Variants in SLC44A5 observed in about 807,000 individuals in gnomAD.
SLC44A5 encodes solute carrier family 44 member 5.
In SLC44A5, 57 loss-of-function variants were observed where a neutral mutation model predicts 101.8. The observed-to-expected ratio is 0.56, with a 90% CI of 0.45 to 0.70. The LOEUF is 0.70. Among genes scored for constraint, SLC44A5 ranks in the 30% least tolerant of loss-of-function variants. The pLI is 0.00. For synonymous variants in SLC44A5, 281 were observed against 290.9 expected (o/e 0.97, Z 0.35); for missense variants, 737 against 853.1 (o/e 0.86, Z 1.70).
chr1:75,342,504 AC>A (rs1657959561), intron 3 of SLC44A5, among the ~76,000 whole-genome samples: 2 of 151,890 alleles, frequency 1.3e-5, no homozygotes, highest in African/African-American at 4.8e-5. Context: ...CACTCAGCTA[AC>A]AAGAGGCGGA....
At chr1:75,494,457 T>A (rs1451118178) in intron 2 of SLC44A5, among the ~76,000 whole-genome samples, 3 of 152,124 alleles carry the variant, frequency 2.0e-5, no homozygotes, top group East Asian at 3.9e-4. Context: ...AAGTTGAGAA[T>A]CTAGCATCAA....
intron 5 of SLC44A5, among the ~76,000 whole-genome samples, chr1:75,280,026 T>C (rs183295173): frequency 6.7e-6 from 1 of 149,296 alleles, no homozygotes; most frequent in Admixed American, 7.0e-5. Flanking sequence ...CCTGAGTTAC[T>C]TCACTTTGAA....
intron 2 of SLC44A5, among the ~76,000 whole-genome samples, chr1:75,463,512 T>A (rs564778471): frequency 9.9e-5 from 15 of 151,332 alleles, no homozygotes; most frequent in Middle Eastern, 3.4e-3. Flanking sequence ...GGGCAGCAGA[T>A]TTTTCAGTGG....
the SLC44A5 span, among the ~76,000 whole-genome samples, chr1:75,678,780 G>A: frequency 1.3e-5 from 2 of 152,162 alleles, no homozygotes; most frequent in Non-Finnish European, 2.9e-5. Context: ...TTGACGAGCT[G>A]AGAGAAGAAG....
At chr1:75,369,301 A>AGC (rs1332861743) in intron 3 of SLC44A5, among the ~76,000 whole-genome samples, 1 of 152,088 alleles carries the variant, frequency 6.6e-6, no homozygotes, top group East Asian at 1.9e-4. Context: ...TACAGGTGTG[A>AGC]GCCACTGCTC....
intron 2 of SLC44A5, among the ~76,000 whole-genome samples, chr1:75,455,574 A>G (rs917578674): frequency 1.3e-5 from 2 of 152,122 alleles, no homozygotes; most frequent in Non-Finnish European, 2.9e-5. Context: ...CAAGGTAAAC[A>G]GGACAGCCTA....
At chr1:75,558,812 C>A (rs1250811834) in intron 1 of SLC44A5, among the ~76,000 whole-genome samples, 1 of 152,050 alleles carries the variant, frequency 6.6e-6, no homozygotes, top group Non-Finnish European at 1.5e-5. Flanking sequence ...GCAGAGTGAT[C>A]TTGGTCACAC....
chr1:75,615,432 T>TACACACAC (rs776361396), upstream of SLC44A5, among the ~76,000 whole-genome samples: 4,086 of 76,088 alleles, frequency 0.054, 112 homozygotes, highest in Admixed American at 0.11. Context: ...CACACACACA[T>TACACACAC]ACATACACAC....
chr1:75,393,981 A>G (rs947798689), intron 3 of SLC44A5, among the ~76,000 whole-genome samples: 3 of 152,210 alleles, frequency 2.0e-5, no homozygotes, highest in African/African-American at 7.2e-5. Context: ...AATCAGGGCT[A>G]GAGATGTAAA....
At chr1:75,383,847 C>G (rs528306740) in intron 3 of SLC44A5, among the ~76,000 whole-genome samples, 26 of 152,186 alleles carry the variant, frequency 1.7e-4, no homozygotes, top group African/African-American at 6.3e-4. Flanking sequence ...ATCAGACTAA[C>G]AGCAGATCTC....
At chr1:75,611,870 T>C (rs952576479), upstream of SLC44A5, among the ~76,000 whole-genome samples, 1 of 152,004 alleles carries the variant, frequency 6.6e-6, no homozygotes, top group Admixed American at 6.6e-5. Context: ...TTCTGTTATC[T>C]AGGAGCCCCT....
rs554845334 is a variant in SLC44A5 at position 75,342,643 on chromosome 1, G to A, written c.53-3013C>T. ...GTAAGGAGAAGACAGGTTTAAAGGGGTTAACAACTTCTATTGATTTTGTAA... is the reference window on the plus strand; with the variant it reads ...GTAAGGAGAAGACAGGTTTAAAGGGATTAACAACTTCTATTGATTTTGTAA... On this transcript the variant is annotated intron_variant, in intron 3 of 23. Coordinates refer to ENST00000370859, the MANE Select transcript of SLC44A5 (RefSeq NM_001130058.2). Among the ~76,000 whole-genome samples the A allele has an allele frequency of 7.1e-4, 108 of 152,166 alleles. 3 individuals carry two copies. In the South Asian group the frequency reaches 0.022, roughly 30 times the overall value.
intron 2 of SLC44A5, among the ~76,000 whole-genome samples, chr1:75,455,529 CT>C (rs1666137649): frequency 6.6e-6 from 1 of 152,034 alleles, no homozygotes; most frequent in African/African-American, 2.4e-5. Flanking sequence ...ACTAATTAAA[CT>C]AAAGCACTTC....
chr1:75,587,964 T>A (rs1399156377), intron 1 of SLC44A5, among the ~76,000 whole-genome samples: 1 of 152,290 alleles, frequency 6.6e-6, no homozygotes, highest in Non-Finnish European at 1.5e-5. Context: ...ATCAGGCATA[T>A]GGCAGAATAA....
chr1:75,526,561 G>A (rs1413164512), intron 2 of SLC44A5, among the ~76,000 whole-genome samples: 3 of 152,172 alleles, frequency 2.0e-5, no homozygotes, highest in African/African-American at 7.2e-5. Flanking sequence ...ATACATGTCT[G>A]TTGTGCTAAA....
intron 2 of SLC44A5, among the ~76,000 whole-genome samples, chr1:75,456,694 A>G (rs1012167889): frequency 6.6e-6 from 1 of 152,166 alleles, no homozygotes; most frequent in Non-Finnish European, 1.5e-5. Flanking sequence ...ATTGTTTTTA[A>G]GAATTTCTAA....
rs564001880 is a variant in SLC44A5, at chr1:75,376,844, T to C, written c.52+19739A>G. Among the ~76,000 whole-genome samples, 14 of 152,298 alleles carry C rather than the reference T, an allele frequency of 9.2e-5. No individual in the cohort carries two copies. In the East Asian group the frequency reaches 2.5e-3, roughly 27 times the overall value. On this transcript the variant is annotated intron_variant, in intron 3 of 23. Coordinates refer to ENST00000370859, the MANE Select transcript of SLC44A5 (RefSeq NM_001130058.2). ...TGGATGGAGAATGACTTTGACAAGC[T>C]GAGAGCAGAAGGCTTCAGACGATCA...
chr1:75,703,702 T>C, the SLC44A5 span, among the ~76,000 whole-genome samples: 6 of 149,752 alleles, frequency 4.0e-5, no homozygotes, highest in Admixed American at 2.0e-4. Context: ...CCTCAGAGAG[T>C]GTGTCAGAAG....
At chr1:75,442,032 G>GC (rs1665236800) in intron 2 of SLC44A5, among the ~76,000 whole-genome samples, 1 of 152,104 alleles carries the variant, frequency 6.6e-6, no homozygotes, top group Non-Finnish European at 1.5e-5. Flanking sequence ...TCTTGGTTGA[G>GC]TGATAATGTG....
Sources: allele counts gnomAD v4.1 joint callset (sites outside exome capture counted in the v4.1 genomes callset), GRCh38; gene constraint gnomAD v4.1.1; transcripts MANE v1.5; gene names NCBI Gene and HGNC (gene_info 2026-07-23, HGNC 2026-07-21).